Variants in IRS1 observed in about 807,000 individuals in gnomAD.
IRS1 encodes insulin receptor substrate 1.
A neutral mutation model predicts 65.6 loss-of-function variants in IRS1; 34 were observed. The observed-to-expected ratio is 0.52, with a 90% confidence interval of 0.39 to 0.69. The LOEUF is 0.69. IRS1 is among the 30% of genes least tolerant of loss of function. IRS1 has a pLI of 0.00. For synonymous variants in IRS1, 699 were observed against 683.5 expected, an observed-to-expected ratio of 1.02 and a Z score of -0.35; for missense variants, 1,641 against 1,720.2, an observed-to-expected ratio of 0.95 and a Z score of 0.81.
chr2:226,797,870 T>C lies in IRS1; in HGVS notation c.869A>G (p.Asn290Ser). Residue 290 changes from asparagine to serine, a missense_variant, in exon 1 of 2, where the codon AAC (asparagine) becomes AGC (serine). By Grantham distance (46) the Asn-to-Ser change is conservative (BLOSUM62 1). Coordinates refer to ENST00000305123, the MANE Select transcript of IRS1 (RefSeq NM_005544.3). This position sits in a 1 kb window ranked among gnomAD's most constrained non-coding sequence, Gnocchi z 8.1. ...ISVPLRRHHL[N>S]NPPPSQVGLT... ...CCCCACCTGGCTGGGCGGGGGATTGTTGAGATGGTGCCGGCGCAGGGGGAC... is the reference window on the plus strand; with the variant it reads ...CCCCACCTGGCTGGGCGGGGGATTGCTGAGATGGTGCCGGCGCAGGGGGAC... 1 of 1,607,044 alleles carries C rather than the reference T, an allele frequency of 6.2e-7. No homozygotes were observed. Among genetic ancestry groups the C allele is most frequent in the Non-Finnish European group, 8.5e-7 (1 of 1,177,340 alleles).
In IRS1 at chr2:226,799,681, G is replaced by T. The variant is rs1039356831; in HGVS notation, c.-943C>A. On this transcript the variant is annotated 5_prime_UTR_variant, in exon 1 of 2. Transcript: ENST00000305123. This position sits in a 1 kb window ranked among gnomAD's most constrained non-coding sequence, Gnocchi z 6.1. Reference sequence around the variant, plus strand: ...CTCCTCCCTCCTCCTCCTCCTCCTCGGAGAGTTGCCGAGAGCCCCAACCAA... The same window carrying T: ...CTCCTCCCTCCTCCTCCTCCTCCTCTGAGAGTTGCCGAGAGCCCCAACCAA... 1,353 of 1,000,384 alleles carry T rather than the reference G, an allele frequency of 1.4e-3. No homozygotes were observed. Among genetic ancestry groups the T allele is most frequent in the Non-Finnish European group, 1.6e-3 (1,327 of 830,480 alleles). 62.0% of individuals were successfully genotyped at this position (1,000,384 alleles called of 1,614,324 possible).
At chr2:226,779,394 ATTAT>A (rs1436943338) in intron 1 of IRS1, among the ~76,000 whole-genome samples, 4 of 152,220 alleles carry the variant, frequency 2.6e-5, no homozygotes, top group Non-Finnish European at 5.9e-5. Context: ...ACATTCATTC[ATTAT>A]TTAGATACAA....
At chr2:226,741,321 T>G (rs1290962463) in intron 1 of IRS1, among the ~76,000 whole-genome samples, 1 of 152,152 alleles carries the variant, frequency 6.6e-6, no homozygotes, top group South Asian at 2.1e-4. Context: ...TTTGCCATCA[T>G]CCCAACGCAT....
chr2:226,764,394 G>T (rs1231121898), intron 1 of IRS1, among the ~76,000 whole-genome samples: 1 of 151,896 alleles, frequency 6.6e-6, no homozygotes, highest in African/African-American at 2.4e-5. Flanking sequence ...AATATAAAAA[G>T]TTAGCTGAAC....
chr2:226,775,888 T>C (rs1939263980), intron 1 of IRS1, among the ~76,000 whole-genome samples: 1 of 152,166 alleles, frequency 6.6e-6, no homozygotes. Context: ...TAGGGAATAA[T>C]GACAAGGAAA....
chr2:226,746,205 C>T (rs1280084526), intron 1 of IRS1, among the ~76,000 whole-genome samples: 1 of 151,782 alleles, frequency 6.6e-6, no homozygotes, highest in Non-Finnish European at 1.5e-5. Context: ...AAAGTATTTA[C>T]AAAGAAATCA....
chr2:226,761,899 C>G (rs1402409028), intron 1 of IRS1, among the ~76,000 whole-genome samples: 1 of 152,186 alleles, frequency 6.6e-6, no homozygotes, highest in Non-Finnish European at 1.5e-5. Context: ...CCATCATAAA[C>G]TACAGAAAAA....
chr2:226,799,341 A>G lies in IRS1; in HGVS notation c.-603T>C. The G allele has an allele frequency of 8.0e-7, 1 of 1,245,834 alleles. No individual in the cohort carries two copies. Among genetic ancestry groups the G allele is most frequent in the Non-Finnish European group, 1.0e-6 (1 of 962,276 alleles). 77.2% of individuals were successfully genotyped at this position (1,245,834 alleles called of 1,614,324 possible). ...CCCAAATACCAGCTCAGTCGCAGAG[A>G]CCGCGGCGCTGCGGCTGTTGCTGTT... On this transcript the variant is annotated 5_prime_UTR_variant, in exon 1 of 2. Coordinates refer to ENST00000305123, the MANE Select transcript of IRS1 (RefSeq NM_005544.3). The surrounding 1 kb of genome is among the most constrained non-coding windows in gnomAD (Gnocchi z 6.1).
chr2:226,766,596 C>T (rs1271890738), intron 1 of IRS1, among the ~76,000 whole-genome samples: 1 of 152,124 alleles, frequency 6.6e-6, no homozygotes, highest in African/African-American at 2.4e-5. Context: ...AGCAATCCAC[C>T]AGCATTACTT....
chr2:226,750,120 A>T (rs1403280530), intron 1 of IRS1, among the ~76,000 whole-genome samples: 2 of 152,000 alleles, frequency 1.3e-5, no homozygotes, highest in Admixed American at 1.3e-4. Flanking sequence ...GTGGTGGTAC[A>T]TGCCTGTAAT....
chr2:226,765,776 A>G (rs1167367453), intron 1 of IRS1, among the ~76,000 whole-genome samples: 1 of 152,190 alleles, frequency 6.6e-6, no homozygotes, highest in Non-Finnish European at 1.5e-5. Context: ...TCAGCTGAAC[A>G]TAACAGGAAC....
At chr2:226,760,714 A>G (rs1406765246) in intron 1 of IRS1, among the ~76,000 whole-genome samples, 1 of 152,192 alleles carries the variant, frequency 6.6e-6, no homozygotes, top group African/African-American at 2.4e-5. Flanking sequence ...ACAAGGCTAA[A>G]TGTTTAATCC....
At position 226,734,051 on chromosome 2, in the gene IRS1, A is replaced by C. The variant is rs1358660997; in HGVS notation, c.*2221T>G. 6.6e-6 allele frequency: 1 copy of C among 152,168 alleles called. No homozygotes were observed. Among genetic ancestry groups the C allele is most frequent in the Admixed American group, 6.5e-5 (1 of 15,288 alleles). The allele number at this position is 152,168 out of a possible 1,614,324, so 9.4% of individuals were successfully genotyped here. The stretch of plus-strand genomic sequence containing the variant: ...GAAATAATAACCAGCTTTACAGGAA[A>C]ATGGTTGGGAGTGACTTTGTTCATT... On this transcript the variant is annotated 3_prime_UTR_variant, in exon 2 of 2. Transcript: ENST00000305123.
intron 1 of IRS1, among the ~76,000 whole-genome samples, chr2:226,736,851 A>G (rs1938334745): frequency 6.6e-6 from 1 of 152,240 alleles, no homozygotes. Context: ...TTTAGGCAGA[A>G]GCACAGCATT....
chr2:226,751,687 C>A (rs571626317), intron 1 of IRS1, among the ~76,000 whole-genome samples: 1 of 152,064 alleles, frequency 6.6e-6, no homozygotes, highest in African/African-American at 2.4e-5. Flanking sequence ...AAGCTGTGAC[C>A]CAGTACATTT....
chr2:226,773,702 CAT>C (rs948089792), intron 1 of IRS1, among the ~76,000 whole-genome samples: 8 of 151,938 alleles, frequency 5.3e-5, no homozygotes, highest in Non-Finnish European at 7.4e-5. Context: ...TTAAACAAAA[CAT>C]GTGTGCTTTT....
At chr2:226,738,493 C>A (rs1182910715) in intron 1 of IRS1, among the ~76,000 whole-genome samples, 1 of 152,166 alleles carries the variant, frequency 6.6e-6, no homozygotes, top group Non-Finnish European at 1.5e-5. Flanking sequence ...GTATTTTTAA[C>A]TCACTAATAA....
intron 1 of IRS1, among the ~76,000 whole-genome samples, chr2:226,760,625 C>G (rs762185775): frequency 6.6e-6 from 1 of 152,162 alleles, no homozygotes; most frequent in African/African-American, 2.4e-5. Context: ...ACCCCACCCC[C>G]CTCCACAAAA....
Position 226,798,913 on chromosome 2 carries a change from C to G in IRS1, c.-175G>C. On this transcript the variant is annotated 5_prime_UTR_variant, in exon 1 of 2. Transcript: ENST00000305123. The surrounding 1 kb of genome is among the most constrained non-coding windows in gnomAD (Gnocchi z 9.4). Reference sequence around the variant, plus strand: ...CCGGGGAGGGGCAGCTGAAGGAGGACGCAGCTGCTGAGCCCAGGAGAGAGC... The same window carrying G: ...CCGGGGAGGGGCAGCTGAAGGAGGAGGCAGCTGCTGAGCCCAGGAGAGAGC... 6.7e-7 allele frequency: 1 copy of G among 1,496,064 alleles called. No individual in the cohort carries two copies. The highest frequency in any genetic ancestry group is 8.9e-7 in the Non-Finnish European group (1 of 1,120,904). The allele number at this position is 1,496,064 out of a possible 1,614,324, so 92.7% of individuals were successfully genotyped here.
Sources: allele counts gnomAD v4.1 joint callset (sites outside exome capture counted in the v4.1 genomes callset), GRCh38; gene constraint gnomAD v4.1.1; non-coding constraint Gnocchi (gnomAD v3.1); transcripts MANE v1.5; gene names NCBI Gene and HGNC (gene_info 2026-07-23, HGNC 2026-07-21).